Variants in CDH9 observed in about 807,000 individuals in gnomAD.
CDH9 encodes the protein cadherin-9.
CDH9 carries 28 observed loss-of-function variants against 70.9 expected under a neutral mutation model. The ratio of observed to expected loss-of-function variants is 0.40; its 90% CI spans 0.29 to 0.54. CDH9 has a LOEUF of 0.54. Among genes scored for constraint, CDH9 ranks in the 20% least tolerant of loss-of-function variants. CDH9 has a pLI of 0.59. For missense variants in CDH9, 874 were observed against 984.4 expected, an observed-to-expected ratio of 0.89 and a Z score of 1.50; for synonymous variants, 409 against 343.1, an observed-to-expected ratio of 1.19 and a Z score of -2.12.
intron 2 of CDH9, among the ~76,000 whole-genome samples, chr5:26,925,749 G>C (rs990625641): frequency 2.0e-5 from 3 of 152,058 alleles, no homozygotes; most frequent in African/African-American, 7.2e-5. Context: ...AAGGGATCCA[G>C]TTGCAGTTTT....
In CDH9 at chr5:26,902,524, A is replaced by G. The variant is rs1281083808; in HGVS notation, c.1205T>C (p.Ile402Thr). Residue 402 changes from isoleucine to threonine, a missense_variant, in exon 7 of 12, where the codon ATT (isoleucine) becomes ACT (threonine). Physicochemically the swap from Ile to Thr is moderately conservative, Grantham distance 89. Coordinates refer to ENST00000231021, the MANE Select transcript of CDH9 (RefSeq NM_016279.4). ...TGGATCGTATGCTGTAACCTGTCCA[A>G]TGATACTGCCCTCCTTTACATCTTC... Reference protein sequence around the residue: ...VDEDVKEGSIIGQVTAYDPDA... With the variant: ...VDEDVKEGSITGQVTAYDPDA... The G allele has an allele frequency of 6.2e-7, 1 of 1,604,546 alleles. No individual in the cohort carries two copies. Among genetic ancestry groups the G allele is most frequent in the South Asian group, 1.1e-5 (1 of 90,852 alleles).
At chr5:26,930,269 T>C (rs1048062007) in intron 2 of CDH9, among the ~76,000 whole-genome samples, 6 of 152,122 alleles carry the variant, frequency 3.9e-5, no homozygotes, top group Non-Finnish European at 7.4e-5. Flanking sequence ...TCTTTTTGTT[T>C]GTTATAAGTT....
chr5:26,974,100 C>T (rs942864383), intron 2 of CDH9, among the ~76,000 whole-genome samples: 4 of 151,950 alleles, frequency 2.6e-5, no homozygotes, highest in South Asian at 2.1e-4. Context: ...AAAAATTAGC[C>T]GGGCATGATA....
intron 7 of CDH9, among the ~76,000 whole-genome samples, chr5:26,900,603 A>G (rs987951912): frequency 6.6e-6 from 1 of 152,100 alleles, no homozygotes; most frequent in African/African-American, 2.4e-5. Flanking sequence ...TCAGACTCAA[A>G]AATGTTCAAT....
intron 1 of CDH9, among the ~76,000 whole-genome samples, chr5:27,023,387 TA>T (rs1743172041): frequency 6.6e-6 from 1 of 152,112 alleles, no homozygotes; most frequent in Non-Finnish European, 1.5e-5. Context: ...AATTCAATGG[TA>T]CTCATTTTTC....
chr5:26,947,250 CA>C (rs894281071), intron 2 of CDH9, among the ~76,000 whole-genome samples: 3 of 152,126 alleles, frequency 2.0e-5, no homozygotes, highest in African/African-American at 7.2e-5. Context: ...TTTGTTTACA[CA>C]AATTCCCTTT....
At chr5:26,927,032 A>G (rs1437091878) in intron 2 of CDH9, among the ~76,000 whole-genome samples, 1 of 151,866 alleles carries the variant, frequency 6.6e-6, no homozygotes, top group Non-Finnish European at 1.5e-5. Flanking sequence ...GAATTCAATA[A>G]CAGATTAAAA....
intron 1 of CDH9, among the ~76,000 whole-genome samples, chr5:27,038,182 A>C (rs1743426391): frequency 6.6e-6 from 1 of 151,988 alleles, no homozygotes; most frequent in Non-Finnish European, 1.5e-5. Flanking sequence ...TTTTTACGAC[A>C]ATATTCCATA....
chr5:26,923,744 C>T (rs1392860879), intron 2 of CDH9, among the ~76,000 whole-genome samples: 1 of 151,946 alleles, frequency 6.6e-6, no homozygotes, highest in African/African-American at 2.4e-5. Context: ...AAAACTAGAA[C>T]TCAAACACAT....
chr5:26,995,736 G>C (rs537880883), intron 1 of CDH9, among the ~76,000 whole-genome samples: 4 of 152,030 alleles, frequency 2.6e-5, no homozygotes, highest in Non-Finnish European at 5.9e-5. Flanking sequence ...ATAGGGAAAA[G>C]CTGATTACTA....
rs143697365 is a variant in CDH9 at position 26,942,272 on chromosome 5, C to T, written c.229-26348G>A. On this transcript the variant is annotated intron_variant, in intron 2 of 11. Coordinates refer to ENST00000231021, the MANE Select transcript of CDH9 (RefSeq NM_016279.4). ...ACAAGAACAGCAGCATGGCAGTAAC[C>T]ACCCCCACAATTCAATTACTTCCCA... Among the ~76,000 whole-genome samples, 148 of 152,254 alleles carry T rather than the reference C, an allele frequency of 9.7e-4. 2 individuals are homozygous for T. The highest frequency in any genetic ancestry group is 7.7e-3 in the Admixed American group (117 of 15,294).
At chr5:27,007,439 TATA>T (rs1218491313) in intron 1 of CDH9, among the ~76,000 whole-genome samples, 2 of 152,116 alleles carry the variant, frequency 1.3e-5, no homozygotes, top group South Asian at 4.1e-4. Context: ...TATGCAAATT[TATA>T]ATAACTTATT....
At chr5:26,918,666 G>C (rs544797692) in intron 2 of CDH9, among the ~76,000 whole-genome samples, 73 of 152,284 alleles carry the variant, frequency 4.8e-4, no homozygotes, top group African/African-American at 1.7e-3. Context: ...TTAAAGTCCT[G>C]AGTACAAAAT....
intron 1 of CDH9, among the ~76,000 whole-genome samples, chr5:27,007,717 A>G (rs1182032452): frequency 6.6e-6 from 1 of 152,122 alleles, no homozygotes; most frequent in African/African-American, 2.4e-5. Flanking sequence ...AATTCAATAA[A>G]TAACAAAATC....
At chr5:26,930,415 G>A (rs531846346) in intron 2 of CDH9, among the ~76,000 whole-genome samples, 8 of 152,148 alleles carry the variant, frequency 5.3e-5, no homozygotes, top group African/African-American at 1.9e-4. Flanking sequence ...CATGCAGTTG[G>A]CCCTGTGGAA....
chr5:26,892,126 GAAATCTAA>G (rs1329723561), intron 7 of CDH9, among the ~76,000 whole-genome samples: 2 of 152,080 alleles, frequency 1.3e-5, no homozygotes, highest in African/African-American at 4.8e-5. Flanking sequence ...GGCAGCAATA[GAAATCTAA>G]TATATCCTTA....
intron 1 of CDH9, among the ~76,000 whole-genome samples, chr5:27,013,134 T>G (rs528720807): frequency 6.6e-6 from 1 of 152,014 alleles, no homozygotes; most frequent in Admixed American, 6.6e-5. Flanking sequence ...TGAGTAAACC[T>G]AAACCCAACT....
intron 1 of CDH9, among the ~76,000 whole-genome samples, chr5:27,016,507 T>A (rs1222759987): frequency 1.3e-5 from 2 of 152,012 alleles, no homozygotes; most frequent in Non-Finnish European, 2.9e-5. Context: ...AATGTATTTT[T>A]AAGGTTTATG....
At chr5:27,027,740 A>G (rs906653923) in intron 1 of CDH9, among the ~76,000 whole-genome samples, 19 of 152,048 alleles carry the variant, frequency 1.2e-4, no homozygotes, top group Non-Finnish European at 2.5e-4. Flanking sequence ...AGAAGTAAAG[A>G]TAACCTACTA....
Sources: allele counts gnomAD v4.1 joint callset (sites outside exome capture counted in the v4.1 genomes callset), GRCh38; gene constraint gnomAD v4.1.1; transcripts MANE v1.5; gene names NCBI Gene and HGNC (gene_info 2026-07-23, HGNC 2026-07-21).